Variants in DAB1 observed in about 807,000 individuals in gnomAD.
The protein encoded by DAB1 is disabled homolog 1.
In DAB1, 15 loss-of-function variants were observed where a neutral mutation model predicts 64.6. The observed-to-expected ratio is 0.23, with a 90% confidence interval of 0.16 to 0.36. The LOEUF is 0.36. Among genes scored for constraint, DAB1 ranks in the 10% least tolerant of loss-of-function variants. The pLI, the probability that DAB1 is intolerant of heterozygous loss-of-function variation, is 1.00. For missense variants in DAB1, 596 were observed against 706.7 expected (o/e 0.84, Z 1.78); for synonymous variants, 235 against 251.9 (o/e 0.93, Z 0.64).
chr1:57,961,687 G>A (rs1239129943), intron 5 of DAB1, among the ~76,000 whole-genome samples: 4 of 152,284 alleles, frequency 2.6e-5, no homozygotes, highest in South Asian at 2.1e-4. Flanking sequence ...AGCTTAGTTC[G>A]GCTGGGTGTG....
chr1:57,500,857 G>T (rs886232320), intron 7 of DAB1, among the ~76,000 whole-genome samples: 2 of 152,196 alleles, frequency 1.3e-5, no homozygotes, highest in African/African-American at 2.4e-5. Flanking sequence ...GGTCATGGAG[G>T]TGAATTCTGG....
chr1:58,455,856 G>C (rs545524452), intron 3 of DAB1, among the ~76,000 whole-genome samples: 2 of 152,096 alleles, frequency 1.3e-5, no homozygotes, highest in Non-Finnish European at 2.9e-5. Flanking sequence ...AGCATCTCTC[G>C]CAGAGCTGTG....
At chr1:57,598,477 C>G (rs976934265) in intron 7 of DAB1, among the ~76,000 whole-genome samples, 1 of 152,182 alleles carries the variant, frequency 6.6e-6, no homozygotes. Flanking sequence ...AAATGACATA[C>G]CCTATATAAA....
At chr1:58,513,494 G>A (rs566643794) in intron 2 of DAB1, among the ~76,000 whole-genome samples, 1 of 152,252 alleles carries the variant, frequency 6.6e-6, no homozygotes, top group East Asian at 1.9e-4. Flanking sequence ...CACGAAGAAA[G>A]AATTAGACTC....
intron 3 of DAB1, among the ~76,000 whole-genome samples, chr1:58,502,368 C>A (rs1332714247): frequency 6.6e-6 from 1 of 152,180 alleles, no homozygotes; most frequent in Admixed American, 6.5e-5. Flanking sequence ...TTACTTTGAT[C>A]TTTTTCTCTA....
intron 4 of DAB1, among the ~76,000 whole-genome samples, chr1:58,284,189 G>A (rs1017038511): frequency 1.3e-5 from 2 of 152,208 alleles, no homozygotes; most frequent in African/African-American, 2.4e-5. Flanking sequence ...ATCCATATGG[G>A]AACTTGGGAA....
chr1:57,814,724 G>A (rs762374992), intron 6 of DAB1, among the ~76,000 whole-genome samples: 1 of 152,188 alleles, frequency 6.6e-6, no homozygotes, highest in Non-Finnish European at 1.5e-5. Context: ...AATCTGAGTT[G>A]GAACCCGCTC....
At chr1:58,168,579 C>T (rs1655990894) in intron 4 of DAB1, among the ~76,000 whole-genome samples, 1 of 152,084 alleles carries the variant, frequency 6.6e-6, no homozygotes, top group East Asian at 1.9e-4. Context: ...TACACGGGCT[C>T]ACCAAGCAGA....
rs554374160 is a variant in DAB1 at position 57,150,235 on chromosome 1, G to A, written c.68-4806C>T. Among the ~76,000 whole-genome samples, 7 of 152,310 alleles carry A rather than the reference G, an allele frequency of 4.6e-5. No homozygotes were observed. The South Asian group carries it at 1.4e-3, about 32-fold the overall frequency. ...TGACAAATAGCATACAAGACAGTGA[G>A]TGATTGGCAAACAGTAAGAGCTTAA... On this transcript the variant is annotated intron_variant, in intron 2 of 14. Transcript: ENST00000371236.
rs745339473 is a variant in DAB1 at position 57,706,294 on chromosome 1, TTTCC to T, written n.552-56633_552-56630del. Among the ~76,000 whole-genome samples the T allele has an allele frequency of 2.5e-4, 38 of 151,966 alleles. 1 individual carries two copies. Among genetic ancestry groups the T allele is most frequent in the South Asian group, 2.1e-4 (1 of 4,816 alleles). On this transcript the variant is annotated intron_variant and non_coding_transcript_variant, in intron 6 of 20. Coordinates refer to the DAB1 transcript ENST00000485760. ...TCTTTCTCTTTTCCTCCCTCCATCCTTTCCTTCCTTTTCTCTTTCTTTTCCTTTC... is the reference window on the plus strand; with the variant it reads ...TCTTTCTCTTTTCCTCCCTCCATCCTTTCCTTTTCTCTTTCTTTTCCTTTC...
chr1:57,201,967 C>T (rs1665140610), intron 2 of DAB1, among the ~76,000 whole-genome samples: 1 of 152,158 alleles, frequency 6.6e-6, no homozygotes, highest in African/African-American at 2.4e-5. Flanking sequence ...GGTGGAGGAA[C>T]AGGAAAGTAT....
At chr1:57,357,408 T>C (rs1283187485) in intron 1 of DAB1, among the ~76,000 whole-genome samples, 1 of 152,000 alleles carries the variant, frequency 6.6e-6, no homozygotes, top group African/African-American at 2.4e-5. Flanking sequence ...GACAAAATAA[T>C]ATCTGGTCTG....
chr1:57,856,344 C>T (rs1653755725), intron 1 of DAB1, among the ~76,000 whole-genome samples: 4 of 152,208 alleles, frequency 2.6e-5, no homozygotes. Flanking sequence ...CTGTATAGAT[C>T]TGCTCCCTAA....
rs369962277 is a variant in DAB1 at position 58,397,362 on chromosome 1, C to G, written n.258-53959G>C. Reference sequence around the variant, plus strand: ...GTGAGAGCTCCGGAGAGGCATGCAGCCTGCACTTCAGTCCAGGCCCTGGGA... The same window carrying G: ...GTGAGAGCTCCGGAGAGGCATGCAGGCTGCACTTCAGTCCAGGCCCTGGGA... On this transcript the variant is annotated intron_variant and non_coding_transcript_variant, in intron 3 of 20. Coordinates refer to the DAB1 transcript ENST00000485760. Among the ~76,000 whole-genome samples the G allele has an allele frequency of 9.8e-5, 15 of 152,326 alleles. 1 individual carries two copies. The South Asian group carries it at 3.1e-3, about 32-fold the overall frequency.
chr1:57,212,462 G>T (rs1046022511), intron 2 of DAB1, among the ~76,000 whole-genome samples: 1 of 145,002 alleles, frequency 6.9e-6, no homozygotes, highest in South Asian at 2.2e-4. Context: ...CCACCTCCTG[G>T]GTTCATGCCA....
chr1:58,370,522 T>C (rs1045438935), intron 3 of DAB1, among the ~76,000 whole-genome samples: 1 of 151,964 alleles, frequency 6.6e-6, no homozygotes, highest in Non-Finnish European at 1.5e-5. Context: ...GGTGGAAAAG[T>C]TGAAGGAGTT....
intron 2 of DAB1, among the ~76,000 whole-genome samples, chr1:57,213,289 G>A (rs1666172250): frequency 6.6e-6 from 1 of 152,078 alleles, no homozygotes; most frequent in African/African-American, 2.4e-5. Context: ...TTAGATTTTT[G>A]ACAATCTTTT....
At chr1:57,286,218 A>C (rs2100647699) in intron 2 of DAB1, among the ~76,000 whole-genome samples, 1 of 152,318 alleles carries the variant, frequency 6.6e-6, no homozygotes, top group Non-Finnish European at 1.5e-5. Flanking sequence ...CCTGGGTTAA[A>C]GAACTAGGGT....
intron 1 of DAB1, among the ~76,000 whole-genome samples, chr1:57,314,292 T>A (rs1290640317): frequency 6.6e-6 from 1 of 152,278 alleles, no homozygotes; most frequent in East Asian, 1.9e-4. Flanking sequence ...GTCCTTGTTA[T>A]TAATTTTTGA....
Sources: allele counts gnomAD v4.1 joint callset (sites outside exome capture counted in the v4.1 genomes callset), GRCh38; gene constraint gnomAD v4.1.1; transcripts MANE v1.5; gene names NCBI Gene and HGNC (gene_info 2026-07-23, HGNC 2026-07-21).